The following TTC23 variants were observed in gnomAD, a reference collection of about 807,000 sequenced individuals.
The protein encoded by TTC23 is tetratricopeptide repeat domain 23, also known as tetratricopeptide repeat protein 23.
A neutral mutation model predicts 55.1 loss-of-function variants in TTC23; 58 were observed. The observed-to-expected ratio is 1.05, with a 90% CI of 0.85 to 1.31. The LOEUF (loss-of-function observed/expected upper bound fraction) is 1.31. Ranked by LOEUF, TTC23 falls within the 50% of genes most tolerant of loss-of-function variation. The probability of loss-of-function intolerance (pLI) is 0.00; values close to 1 mark genes in which losing one functional copy is unlikely to be tolerated. For synonymous variants in TTC23, 203 were observed against 199.9 expected (o/e 1.02, Z -0.13); for missense variants, 516 against 534.4 (o/e 0.97, Z 0.34).
intron 12 of TTC23, among the ~76,000 whole-genome samples, chr15:99,151,625 C>A (rs1237749278): frequency 6.6e-6 from 1 of 152,178 alleles, no homozygotes; most frequent in Non-Finnish European, 1.5e-5. Flanking sequence ...ACAATAGATG[C>A]CCCTTTATAC....
intron 9 of TTC23, among the ~76,000 whole-genome samples, chr15:99,198,821 A>G (rs941617260): frequency 6.6e-6 from 1 of 152,246 alleles, no homozygotes; most frequent in Admixed American, 6.5e-5. Context: ...ATATTAATGA[A>G]GTACTCTCAG....
chr15:99,239,478 C>G (rs1287785053), intron 3 of TTC23, among the ~76,000 whole-genome samples: 1 of 151,498 alleles, frequency 6.6e-6, no homozygotes, highest in Non-Finnish European at 1.5e-5. Flanking sequence ...GAGTGAGACT[C>G]TGTCTCAAAA....
intron 12 of TTC23, 112 bp downstream of exon 12, chr15:99,156,036 A>T: frequency 6.8e-7 from 1 of 1,471,336 alleles, no homozygotes; most frequent in South Asian, 1.3e-5. Flanking sequence ...CATCCTATCT[A>T]AACAAGCCAC....
intron 5 of TTC23, 49 bp from the exon 6 acceptor site, chr15:99,221,913 C>T: frequency 6.3e-7 from 1 of 1,598,356 alleles, no homozygotes; most frequent in Middle Eastern, 1.7e-4. Flanking sequence ...TTAAGAGTCA[C>T]AAAACACAAA....
At chr15:99,182,668 T>C (rs2074265818) in intron 9 of TTC23, among the ~76,000 whole-genome samples, 1 of 152,198 alleles carries the variant, frequency 6.6e-6, no homozygotes. Context: ...TACTCATCTG[T>C]ATATATGCAG....
chr15:99,246,305 T>A (rs2080235331), intron 1 of TTC23, among the ~76,000 whole-genome samples: 1 of 152,246 alleles, frequency 6.6e-6, no homozygotes, highest in South Asian at 2.1e-4. Context: ...CCACAATATA[T>A]AAAGAACAAT....
chr15:99,198,398 A>G (rs183506292), intron 9 of TTC23, among the ~76,000 whole-genome samples: 319 of 152,230 alleles, frequency 2.1e-3, no homozygotes, highest in Admixed American at 4.4e-3. Flanking sequence ...TCCATGTCCT[A>G]TCAATTCTGC....
chr15:99,161,886 C>T lies in TTC23; in HGVS notation c.866-19G>A, dbSNP rs759763727. On this transcript the variant is annotated intron_variant, in intron 10 of 13. Coordinates refer to ENST00000394132, the MANE Select transcript of TTC23 (RefSeq NM_001288615.3). ...GCTACATCTGAAGAAAAGCATTTAT[C>T]ATAACTTTGAAAACTGCTCACAGAT... The T allele has an allele frequency of 2.5e-6, 4 of 1,584,020 alleles. No individual in the cohort carries two copies. The highest frequency in any genetic ancestry group is 1.4e-5 in the African/African-American group (1 of 73,346).
chr15:99,137,687 G>C lies in TTC23; in HGVS notation c.*323C>G. 3.5e-6 allele frequency: 1 copy of C among 282,396 alleles called. No individual in the cohort carries two copies. The highest frequency in any genetic ancestry group is 6.8e-6 in the Non-Finnish European group (1 of 146,396). 17.5% of individuals were successfully genotyped at this position (282,396 alleles called of 1,614,324 possible). A position where few individuals can be genotyped will look rare whatever the true frequency, so the allele number is the denominator to read the frequency against. Reference sequence around the variant, plus strand: ...TGTGTGTACAAGCAGATGCCGGGCTGACTCCTGCACAGGGCGCACTGAACT... The same window carrying C: ...TGTGTGTACAAGCAGATGCCGGGCTCACTCCTGCACAGGGCGCACTGAACT... On this transcript the variant is annotated 3_prime_UTR_variant, in exon 14 of 14. Coordinates refer to ENST00000394132, the MANE Select transcript of TTC23 (RefSeq NM_001288615.3).
chr15:99,167,814 C>T (rs2072336011), intron 10 of TTC23, among the ~76,000 whole-genome samples: 1 of 152,176 alleles, frequency 6.6e-6, no homozygotes, highest in Admixed American at 6.5e-5. Context: ...AGGGAGGCCT[C>T]TCTACAATGT....
At chr15:99,240,616 C>T (rs1320473842) in intron 3 of TTC23, among the ~76,000 whole-genome samples, 4 of 152,194 alleles carry the variant, frequency 2.6e-5, no homozygotes, top group African/African-American at 9.7e-5. Flanking sequence ...TCCCTATTGG[C>T]TACCGGACAT....
chr15:99,239,788 C>T (rs2079616880), intron 3 of TTC23, among the ~76,000 whole-genome samples: 1 of 152,214 alleles, frequency 6.6e-6, no homozygotes, highest in South Asian at 2.1e-4. Flanking sequence ...GTCCCAACTA[C>T]CCATGTGATT....
intron 9 of TTC23, among the ~76,000 whole-genome samples, chr15:99,184,324 G>C (rs1252792953): frequency 6.6e-6 from 1 of 152,090 alleles, no homozygotes; most frequent in South Asian, 2.1e-4. Flanking sequence ...AGCTTGCACC[G>C]TGCTCTGGAA....
intron 12 of TTC23, among the ~76,000 whole-genome samples, chr15:99,141,410 C>T (rs1161894340): frequency 6.6e-6 from 1 of 151,938 alleles, no homozygotes; most frequent in African/African-American, 2.4e-5. Flanking sequence ...GGAATGATAT[C>T]AAATTTAAAA....
intron 9 of TTC23, among the ~76,000 whole-genome samples, chr15:99,180,330 A>G (rs2073995801): frequency 6.6e-6 from 1 of 152,002 alleles, no homozygotes; most frequent in East Asian, 1.9e-4. Context: ...TCCACATTGA[A>G]CAAGGTCATT....
chr15:99,177,762 G>C (rs1289992765), intron 9 of TTC23, among the ~76,000 whole-genome samples: 1 of 152,176 alleles, frequency 6.6e-6, no homozygotes, highest in Non-Finnish European at 1.5e-5. Context: ...AATGTTAATA[G>C]ATATGTGTCT....
intron 9 of TTC23, among the ~76,000 whole-genome samples, chr15:99,197,764 G>A (rs1305168661): frequency 6.6e-6 from 1 of 151,970 alleles, no homozygotes; most frequent in African/African-American, 2.4e-5. Flanking sequence ...AAATTAGCCA[G>A]GCATGGTGGC....
At chr15:99,167,164 A>T (rs2072234085) in intron 10 of TTC23, among the ~76,000 whole-genome samples, 1 of 152,188 alleles carries the variant, frequency 6.6e-6, no homozygotes, top group Non-Finnish European at 1.5e-5. Context: ...TCCACCTGGG[A>T]CAAGTGACAA....
At chr15:99,170,467 A>G (rs749062546) in intron 10 of TTC23, among the ~76,000 whole-genome samples, 2 of 152,192 alleles carry the variant, frequency 1.3e-5, no homozygotes, top group African/African-American at 2.4e-5. Flanking sequence ...AGGTTTAAGC[A>G]CAGGAGAGCA....
Sources: gnomAD v4.1 joint callset for allele counts (sites outside exome capture counted in the v4.1 genomes callset) on GRCh38, gnomAD v4.1.1 for gene constraint, MANE v1.5 for transcripts, NCBI Gene and HGNC (gene_info 2026-07-23, HGNC 2026-07-21) for gene names.